The following ADSL variants were observed in gnomAD, a reference collection of about 807,000 sequenced individuals.
ADSL encodes the protein adenylosuccinate lyase.
ADSL carries 44 observed loss-of-function variants against 62.1 expected under a neutral mutation model. That is an observed-to-expected ratio of 0.71 (90% CI 0.56 to 0.91). ADSL has a LOEUF of 0.91. ADSL is among the 40% of genes least tolerant of loss of function. ADSL has a pLI of 0.00. For synonymous variants in ADSL, 198 were observed against 220.5 expected, an observed-to-expected ratio of 0.90 and a Z score of 0.90; for missense variants, 531 against 627.4, an observed-to-expected ratio of 0.85 and a Z score of 1.64.
At chr22:40,379,831 C>T (rs543173088) in intron 2 of ADSL, among the ~76,000 whole-genome samples, 1 of 152,240 alleles carries the variant, frequency 6.6e-6, no homozygotes, top group Non-Finnish European at 1.5e-5. Flanking sequence ...ACCTCAGCTT[C>T]CTGAGTAATC....
At position 40,361,468 on chromosome 22, in the gene ADSL, T is replaced by G. The variant is rs760407114; in HGVS notation, c.863-20T>G. 1 of 1,614,200 alleles carries G rather than the reference T, an allele frequency of 6.2e-7. No homozygotes were observed. Among genetic ancestry groups the G allele is most frequent in the Admixed American group, 1.7e-5 (1 of 60,026 alleles). On this transcript the variant is annotated intron_variant, in intron 8 of 12. Coordinates refer to ENST00000623063, the MANE Select transcript of ADSL (RefSeq NM_000026.4). ...GAAGTCTCTCTGCCTTTGCATCTTGTCCTTTTTTTACATGGGCAGGCTCAA... is the reference window on the plus strand; with the variant it reads ...GAAGTCTCTCTGCCTTTGCATCTTGGCCTTTTTTTACATGGGCAGGCTCAA...
chr22:40,363,231 T>G (rs1311615042), intron 10 of ADSL, 160 bp downstream of exon 10: 1 of 698,620 alleles, frequency 1.4e-6, no homozygotes, highest in African/African-American at 1.8e-5. Flanking sequence ...ACTAGCTCTG[T>G]GGAATTCATA....
At chr22:40,361,207 C>A in intron 7 of ADSL, 66 bp from the exon 8 acceptor site, 2 of 1,493,700 alleles carry the variant, frequency 1.3e-6, no homozygotes, top group South Asian at 1.1e-5. Context: ...TCAGCCTAGT[C>A]ACAGCTCCCA....
chr22:40,364,822 T>TAA, intron 11 of ADSL, 58 bp from the exon 12 acceptor site: 1 of 1,578,910 alleles, frequency 6.3e-7, no homozygotes, highest in Non-Finnish European at 8.7e-7. Flanking sequence ...GATGACTTTT[T>TAA]AAAAGTGTTC....
chr22:40,369,091 CAG>C lies in ADSL; in HGVS notation c.*2571_*2572del, dbSNP rs1479164848. ...TAATGTGAGAATTTATATTACATAA[CAG>C]ATACTGGGGATATAGGATACCATGG... On this transcript the variant is annotated 3_prime_UTR_variant, in exon 13 of 13. Transcript: ENST00000623063. 4 of 152,304 alleles carry C rather than the reference CAG, an allele frequency of 2.6e-5. No homozygotes were observed. Among genetic ancestry groups the C allele is most frequent in the Admixed American group, 6.5e-5 (1 of 15,292 alleles). The allele number at this position is 152,304 out of a possible 1,614,324, so 9.4% of individuals were successfully genotyped here. A position where few individuals can be genotyped will look rare whatever the true frequency, so the allele number is the denominator to read the frequency against.
chr22:40,380,089 A>G (rs1339847851), intron 2 of ADSL, among the ~76,000 whole-genome samples: 1 of 152,176 alleles, frequency 6.6e-6, no homozygotes, highest in Non-Finnish European at 1.5e-5. Flanking sequence ...AATCCCATGG[A>G]CAAAGACTAA....
chr22:40,370,533 A>G (rs1199527889), downstream of ADSL: 2 of 152,282 alleles, frequency 1.3e-5, no homozygotes, highest in Non-Finnish European at 2.9e-5. Context: ...CGCCCCGCCT[A>G]GTGGGCGGGA....
chr22:40,361,975 A>C (rs2044807764), intron 9 of ADSL, among the ~76,000 whole-genome samples: 1 of 152,166 alleles, frequency 6.6e-6, no homozygotes, highest in African/African-American at 2.4e-5. Flanking sequence ...CACTTGAGGG[A>C]GTTACTACTA....
At chr22:40,359,683 C>A (rs1267887052) in intron 6 of ADSL, among the ~76,000 whole-genome samples, 1 of 151,816 alleles carries the variant, frequency 6.6e-6, no homozygotes, top group Non-Finnish European at 1.5e-5. Flanking sequence ...GCATGCCTGG[C>A]TAATTTTTGT....
chr22:40,353,696 G>C (rs1239516546), intron 3 of ADSL: 1 of 280,742 alleles, frequency 3.6e-6, no homozygotes, highest in South Asian at 3.7e-5. Flanking sequence ...CACAGTCTCA[G>C]CTCACTGCAA....
chr22:40,363,211 G>A (rs1443036920), intron 10 of ADSL, 140 bp downstream of exon 10: 2 of 768,670 alleles, frequency 2.6e-6, no homozygotes, highest in African/African-American at 1.7e-5. Context: ...CAGTTCATAA[G>A]CTCTAGGGAA....
intron 3 of ADSL, 32 bp downstream of exon 3, chr22:40,353,149 CT>C (rs1176638287): frequency 6.3e-7 from 1 of 1,578,952 alleles, no homozygotes; most frequent in Non-Finnish European, 8.7e-7. Context: ...CCTACCAACC[CT>C]AGATTCCCTA....
chr22:40,373,924 GTTTA>G (rs1569123637), downstream of ADSL, among the ~76,000 whole-genome samples: 2 of 150,848 alleles, frequency 1.3e-5, no homozygotes, highest in African/African-American at 4.9e-5. Flanking sequence ...TGATAGGGTG[GTTTA>G]TTTATTTTTA....
At chr22:40,374,092 A>G (rs1342929195), downstream of ADSL, among the ~76,000 whole-genome samples, 4 of 151,924 alleles carry the variant, frequency 2.6e-5, no homozygotes, top group African/African-American at 9.7e-5. Context: ...AGCTGGGACT[A>G]CAGGCGCCTG....
intron 4 of ADSL, among the ~76,000 whole-genome samples, chr22:40,356,332 C>G (rs1439669374): frequency 6.6e-6 from 1 of 151,752 alleles, no homozygotes; most frequent in African/African-American, 2.4e-5. Flanking sequence ...GTCAGGAAAT[C>G]AAGACCAGCT....
intron 2 of ADSL, among the ~76,000 whole-genome samples, chr22:40,351,719 T>A (rs1444606978): frequency 1.3e-5 from 2 of 152,170 alleles, no homozygotes; most frequent in African/African-American, 4.8e-5. Context: ...TGCTTTCTTA[T>A]TTTTTTGAGA....
At chr22:40,349,374 T>C (rs932057559) in intron 1 of ADSL, among the ~76,000 whole-genome samples, 14 of 141,470 alleles carry the variant, frequency 9.9e-5, no homozygotes, top group Non-Finnish European at 1.7e-4. Flanking sequence ...ATTGGAGCTT[T>C]CTTTTTTTTT....
intron 4 of ADSL, among the ~76,000 whole-genome samples, chr22:40,356,156 T>A (rs1475254012): frequency 6.9e-6 from 1 of 144,832 alleles, no homozygotes; most frequent in African/African-American, 2.6e-5. Context: ...GAGCCAAGAT[T>A]GCACCATTGC....
At chr22:40,376,856 T>C (rs2046718716) in intron 2 of ADSL, among the ~76,000 whole-genome samples, 1 of 152,192 alleles carries the variant, frequency 6.6e-6, no homozygotes, top group African/African-American at 2.4e-5. Flanking sequence ...ATAAAATGGC[T>C]GTGACAAGCA....
Sources: allele counts gnomAD v4.1 joint callset (sites outside exome capture counted in the v4.1 genomes callset), GRCh38; gene constraint gnomAD v4.1.1; transcripts MANE v1.5; gene names NCBI Gene and HGNC (gene_info 2026-07-23, HGNC 2026-07-21).